SIX5: variants seen among roughly 807,000 people sequenced by gnomAD.
SIX5 encodes homeobox protein SIX5.
Under a neutral mutation model 37.1 loss-of-function variants are expected in SIX5, and 21 were observed. The ratio of observed to expected loss-of-function variants is 0.57; its 90% CI spans 0.40 to 0.81. The LOEUF is 0.81. SIX5 is among the 40% of genes least tolerant of loss of function. The pLI, the probability that SIX5 is intolerant of heterozygous loss-of-function variation, is 0.00. For synonymous variants in SIX5, 626 were observed against 505.9 expected (o/e 1.24, Z -3.19); for missense variants, 1,137 against 1,025.1 (o/e 1.11, Z -1.49).
intron 2 of SIX5, 43 bp from the exon 3 acceptor site, chr19:45,766,154 G>C (rs764493407): frequency 6.3e-7 from 1 of 1,593,520 alleles, no homozygotes; most frequent in Non-Finnish European, 8.5e-7. Context: ...AGCCAGGAGA[G>C]CAGGCCAAGC....
chr19:45,769,212 A>C lies in SIX5; in HGVS notation c.-368T>G, dbSNP rs894291572. ...CTAAGGGCGCGAAGCCTCCGCCCCG[A>C]GACTGAGCTTCTGCACGCCTCCGTC... On this transcript the variant is annotated 5_prime_UTR_variant, in exon 1 of 3. Transcript: ENST00000317578. 4.4e-6 allele frequency: 1 copy of C among 227,492 alleles called. No individual in the cohort carries two copies. The highest frequency in any genetic ancestry group is 5.8e-5 in the Admixed American group (1 of 17,286). 14.1% of individuals were successfully genotyped at this position (227,492 alleles called of 1,614,324 possible).
rs1010041986 is a variant in SIX5, at chr19:45,768,666, C to A, written c.179G>T (p.Gly60Val). The A allele has an allele frequency of 7.8e-6, 10 of 1,288,292 alleles. No individual in the cohort carries two copies. The highest frequency in any genetic ancestry group is 9.7e-6 in the Non-Finnish European group (10 of 1,028,234). The allele number at this position is 1,288,292 out of a possible 1,614,324, so 79.8% of individuals were successfully genotyped here. ...AGAGAGAAAA[G>V]AEGPGSPGVP... The stretch of plus-strand genomic sequence containing the variant: ...GCCCGGGGATCCCGGGCCCTCAGCT[C>A]CCGCAGCCGCTGCGCCCGCCCCGGC... Residue 60 changes from glycine (G) to valine (V), a missense_variant, in exon 1 of 3, where the codon GGA becomes GTA. Physicochemically the swap from Gly to Val is moderately radical, Grantham distance 109. Transcript: ENST00000317578.
chr19:45,766,789 T>A lies in SIX5; in HGVS notation c.1170A>T (p.Thr390=). ...GAGCCTCCTCCAGCCGCACCTCCCC[T>A]GTCTGAGGGTCCAGGACCAGAGAGG... ...TKTSLVLDPQ[T]GEVRLEEAQS... The change falls in exon 2 of 3, where the codon ACA becomes ACT. Residue 390 remains threonine, a synonymous_variant. Coordinates refer to ENST00000317578, the MANE Select transcript of SIX5 (RefSeq NM_175875.5). 1.3e-6 allele frequency: 2 copies of A among 1,575,750 alleles called. No individual in the cohort carries two copies. The highest frequency in any genetic ancestry group is 8.6e-7 in the Non-Finnish European group (1 of 1,163,914).
At chr19:45,767,226 T>TC (rs1450719605) in intron 1 of SIX5, 71 bp from the exon 2 acceptor site, 1 of 1,495,892 alleles carries the variant, frequency 6.7e-7, no homozygotes, top group Non-Finnish European at 9.1e-7. Flanking sequence ...AGCCAGCTGC[T>TC]CCCCCACCTT....
Position 45,765,312 on chromosome 19 carries a change from G to A in SIX5, c.*189C>T. 2.6e-6 allele frequency: 2 copies of A among 776,430 alleles called. No homozygotes were observed. The highest frequency in any genetic ancestry group is 4.4e-6 in the Non-Finnish European group (2 of 451,182). The allele number at this position is 776,430 out of a possible 1,614,324, so 48.1% of individuals were successfully genotyped here. On this transcript the variant is annotated 3_prime_UTR_variant, in exon 3 of 3. Coordinates refer to ENST00000317578, the MANE Select transcript of SIX5 (RefSeq NM_175875.5). ...CAGAGAGGCCTCCCATCCAAAGGGG[G>A]ATGGAGACCTGGACAGGAGGTGGCC...
rs916037774 is a variant in SIX5 at position 45,768,584 on chromosome 19, C to A, written c.261G>T (p.Ser87=). Reference sequence around the variant, plus strand: ...CGCAGACGCACGCCACCTGCTCGGGCGAGAAGCGGAGGCCCGTGGGCGGTT... The same window carrying A: ...CGCAGACGCACGCCACCTGCTCGGGAGAGAAGCGGAGGCCCGTGGGCGGTT... ...ASEPPTGLRF[S]PEQVACVCEA... The change falls in exon 1 of 3, where the codon TCG becomes TCT. Residue 87 remains serine, a synonymous_variant. Coordinates refer to ENST00000317578, the MANE Select transcript of SIX5 (RefSeq NM_175875.5). The A allele has an allele frequency of 3.7e-6, 5 of 1,360,092 alleles. No homozygotes were observed. Among genetic ancestry groups the A allele is most frequent in the Admixed American group, 3.9e-5 (1 of 25,696 alleles). The allele number at this position is 1,360,092 out of a possible 1,614,324, so 84.3% of individuals were successfully genotyped here. A position where few individuals can be genotyped will look rare whatever the true frequency, so the allele number is the denominator to read the frequency against.
At position 45,765,780 on chromosome 19, in the gene SIX5, G is replaced by T; in HGVS notation, c.1941C>A (p.Phe647Leu). ...SPDSPGLLPN[F>L]PAPPPEGLML... ...TCAGCCCCTCTGGTGGGGGCGCCGG[G>T]AAGTTGGGCAGGAGGCCAGGGGAGT... The change falls in exon 3 of 3, where the codon TTC becomes TTA. Residue 647 changes from phenylalanine (F) to leucine (L), a missense_variant. Physicochemically the swap from Phe to Leu is conservative, Grantham distance 22 (BLOSUM62 0). This residue lies in a region of SIX5 where 787 missense variants were observed against 621.4 expected (regional missense o/e 1.27). Coordinates refer to ENST00000317578, the MANE Select transcript of SIX5 (RefSeq NM_175875.5). The T allele has an allele frequency of 6.2e-7, 1 of 1,607,960 alleles. No homozygotes were observed.
In SIX5 at chr19:45,768,108, C is replaced by G. The variant is rs1375730058; in HGVS notation, c.737G>C (p.Ser246Thr). 1.2e-6 allele frequency: 2 copies of G among 1,606,680 alleles called. No individual in the cohort carries two copies. Among genetic ancestry groups the G allele is most frequent in the African/African-American group, 2.7e-5 (2 of 74,892 alleles). ...TLTGLSLTQV[S>T]NWFKNRRQRD... is the part of the protein sequence containing the mutation. ...CTGTCGCCGGTTCTTGAACCAGTTG[C>G]TGACCTGCGTGAGCGACAGGCCGGT... Residue 246 changes from serine to threonine, a missense_variant, in exon 1 of 3, where the codon AGC becomes ACC. Around this residue, in one of 3 missense-constraint regions of SIX5, gnomAD observed 19 missense variants for 42.8 expected, o/e 0.44. Transcript: ENST00000317578.
In SIX5 at chr19:45,766,736, G is replaced by T. The variant is rs759687075; in HGVS notation, c.1223C>A (p.Ala408Asp). Reference protein sequence around the residue: ...AQSEAPETKGAQVAAPGPALG... With the variant: ...AQSEAPETKGDQVAAPGPALG... ...GGCTGGTCCCGGAGCAGCCACCTGG[G>T]CCCCTTTGGTCTCAGGGGCCTCCGA... is the stretch of plus-strand genomic sequence containing the variant. The change falls in exon 2 of 3, where the codon GCC (alanine) becomes GAC (aspartate). Residue 408 changes from alanine to aspartate, a missense_variant. Physicochemically the swap from Ala to Asp is moderately radical, Grantham distance 126. Transcript: ENST00000317578. 9 of 1,574,138 alleles carry T rather than the reference G, an allele frequency of 5.7e-6. No homozygotes were observed. The highest frequency in any genetic ancestry group is 5.4e-5 in the African/African-American group (4 of 73,742).
At position 45,768,735 on chromosome 19, in the gene SIX5, T is replaced by G. The variant is rs930153795; in HGVS notation, c.110A>C (p.Gln37Pro). Residue 37 changes from glutamine to proline, a missense_variant, in exon 1 of 3, where the codon CAG becomes CCG. Gln to Pro is a moderately conservative substitution (Grantham distance 76, BLOSUM62 -1). This residue lies in a region of SIX5 where 331 missense variants were observed against 360.9 expected (regional missense o/e 0.92). Coordinates refer to ENST00000317578, the MANE Select transcript of SIX5 (RefSeq NM_175875.5). ...EEEEEARQLL[Q>P]TLQAAEGEAA... The stretch of plus-strand genomic sequence containing the variant: ...CTCACCCTCGGCCGCCTGCAAAGTC[T>G]GCAAGAGCTGGCGCGCTTCCTCCTC... 4 of 1,507,168 alleles carry G rather than the reference T, an allele frequency of 2.7e-6. No individual in the cohort carries two copies. In the African/African-American group the frequency reaches 5.6e-5, roughly 21 times the overall value. 93.4% of individuals were successfully genotyped at this position (1,507,168 alleles called of 1,614,324 possible). A position where few individuals can be genotyped will look rare whatever the true frequency, so the allele number is the denominator to read the frequency against.
At position 45,766,366 on chromosome 19, in the gene SIX5, A is replaced by T; in HGVS notation, c.1593T>A (p.Pro531=). The T allele has an allele frequency of 6.3e-7, 1 of 1,588,616 alleles. No individual in the cohort carries two copies. The highest frequency in any genetic ancestry group is 2.3e-5 in the East Asian group (1 of 43,458). Residue 531 remains proline (P), a synonymous_variant, in exon 2 of 3, where the codon CCT becomes CCA. Transcript: ENST00000317578. ...TGGGGGTACCTGGGGCAGTGGCCGAAGGCAGCTGCAGGGCAGTCACGCCCA... is the reference window on the plus strand; with the variant it reads ...TGGGGGTACCTGGGGCAGTGGCCGATGGCAGCTGCAGGGCAGTCACGCCCA... ...SGVGVTALQL[P]SATAPGNFLL...
At position 45,765,950 on chromosome 19, in the gene SIX5, T is replaced by A. The variant is rs778339962; in HGVS notation, c.1771A>T (p.Thr591Ser). The change falls in exon 3 of 3, where the codon ACG becomes TCG. Residue 591 changes from threonine (T) to serine (S), a missense_variant. Thr to Ser is a moderately conservative substitution (Grantham distance 58, BLOSUM62 1). Coordinates refer to ENST00000317578, the MANE Select transcript of SIX5 (RefSeq NM_175875.5). ...CCTCCCTCAGGCACGGAGATGGCCG[T>A]CTCTGGCTTCAGTGGCAGGGCCAGG... ...PGLALPLKPETAISVPEGGLP... is the reference protein window; with the variant it reads ...PGLALPLKPESAISVPEGGLP... 4 of 1,597,634 alleles carry A rather than the reference T, an allele frequency of 2.5e-6. No individual in the cohort carries two copies. The East Asian group carries it at 9.0e-5, about 36-fold the overall frequency.
Position 45,768,492 on chromosome 19 carries a change from T to C in SIX5, c.353A>G (p.Glu118Gly). The C allele has an allele frequency of 6.6e-7, 1 of 1,520,870 alleles. No homozygotes were observed. Among genetic ancestry groups the C allele is most frequent in the Non-Finnish European group, 8.8e-7 (1 of 1,140,718 alleles). 94.2% of individuals were successfully genotyped at this position (1,520,870 alleles called of 1,614,324 possible). A position where few individuals can be genotyped will look rare whatever the true frequency, so the allele number is the denominator to read the frequency against. Residue 118 changes from glutamate (E) to glycine (G), a missense_variant, in exon 1 of 3, where the codon GAG becomes GGG. Coordinates refer to ENST00000317578, the MANE Select transcript of SIX5 (RefSeq NM_175875.5). ...SRFLGALPPAERLRGSDPVLR... is the reference protein window; with the variant it reads ...SRFLGALPPAGRLRGSDPVLR... ...CACCGGGTCGCTGCCACGTAGGCGCTCGGCCGGGGGCAGTGCGCCCAGGAA... is the reference window on the plus strand; with the variant it reads ...CACCGGGTCGCTGCCACGTAGGCGCCCGGCCGGGGGCAGTGCGCCCAGGAA...
At position 45,765,624 on chromosome 19, in the gene SIX5, G is replaced by A. The variant is rs140206626; in HGVS notation, c.2097C>T (p.Pro699=). 1.7e-4 allele frequency: 280 copies of A among 1,612,672 alleles called. 1 individual carries two copies. Among genetic ancestry groups the A allele is most frequent in the Admixed American group, 6.2e-4 (37 of 60,004 alleles). ...APHTVLRLPD[P]DPEGLLLGAT... ...CCCCCAGGAGCAGCCCCTCAGGGTC[G>A]GGGTCTGGCAGCCTCAGCACGGTGT... Residue 699 remains proline (P), a synonymous_variant, in exon 3 of 3, where the codon CCC becomes CCT. Coordinates refer to ENST00000317578, the MANE Select transcript of SIX5 (RefSeq NM_175875.5).
rs1157276190 is a variant in SIX5 at position 45,765,767 on chromosome 19, G to A, written c.1954C>T (p.Pro652Ser). Residue 652 changes from proline to serine, a missense_variant, in exon 3 of 3, where the codon CCA becomes TCA. Transcript: ENST00000317578. ...GCGGGTGACAACATCAGCCCCTCTG[G>A]TGGGGGCGCCGGGAAGTTGGGCAGG... ...GLLPNFPAPP[P>S]EGLMLSPAAV... 1.9e-6 allele frequency: 3 copies of A among 1,609,474 alleles called. No individual in the cohort carries two copies. Among genetic ancestry groups the A allele is most frequent in the African/African-American group, 1.3e-5 (1 of 74,936 alleles).
chr19:45,766,242 C>A, intron 2 of SIX5, 108 bp downstream of exon 2: 1 of 1,492,858 alleles, frequency 6.7e-7, no homozygotes, highest in Non-Finnish European at 9.0e-7. Context: ...CTGGGACTTG[C>A]CAGGGATGAG....
At position 45,765,596 on chromosome 19, in the gene SIX5, T is replaced by C. The variant is rs749174953; in HGVS notation, c.2125A>G (p.Thr709Ala). 3 of 1,613,172 alleles carry C rather than the reference T, an allele frequency of 1.9e-6. No homozygotes were observed. The East Asian group carries it at 6.7e-5, about 36-fold the overall frequency. ...CCCTCGTCAACCTCACCCCCTGCGGTGGCCCCCAGGAGCAGCCCCTCAGGG... is the reference window on the plus strand; with the variant it reads ...CCCTCGTCAACCTCACCCCCTGCGGCGGCCCCCAGGAGCAGCCCCTCAGGG... ...PDPEGLLLGA[T>A]AGGEVDEGLE... The change falls in exon 3 of 3, where the codon ACC becomes GCC. Residue 709 changes from threonine (T) to alanine (A), a missense_variant. Physicochemically the swap from Thr to Ala is moderately conservative, Grantham distance 58. This residue lies in a region of SIX5 where 787 missense variants were observed against 621.4 expected (regional missense o/e 1.27). Coordinates refer to ENST00000317578, the MANE Select transcript of SIX5 (RefSeq NM_175875.5).
rs912557319 is a variant in SIX5, at chr19:45,769,073, G to C, written c.-229C>G. On this transcript the variant is annotated 5_prime_UTR_variant, in exon 1 of 3. Transcript: ENST00000317578. ...CCCGTCTGTCTGTGATTCTCCCTTTGTTTTCCCTCCGCCTCTGGCCGCGCT... is the reference window on the plus strand; with the variant it reads ...CCCGTCTGTCTGTGATTCTCCCTTTCTTTTCCCTCCGCCTCTGGCCGCGCT... 14 of 485,662 alleles carry C rather than the reference G, an allele frequency of 2.9e-5. No homozygotes were observed. Among genetic ancestry groups the C allele is most frequent in the East Asian group, 7.0e-5 (2 of 28,442 alleles). 30.1% of individuals were successfully genotyped at this position (485,662 alleles called of 1,614,324 possible). A position where few individuals can be genotyped will look rare whatever the true frequency, so the allele number is the denominator to read the frequency against.
chr19:45,766,061 C>T lies in SIX5; in HGVS notation c.1660G>A (p.Val554Met), dbSNP rs367908563. ...PVSGSPIVTG[V>M]ALQQGKIILT... is the part of the protein sequence containing the mutation. ...ATGATCTTGCCCTGCTGCAGGGCCA[C>T]ACCCGTCACGATGGGGCTGCCAGAC... Residue 554 changes from valine to methionine, a missense_variant, in exon 3 of 3, where the codon GTG becomes ATG. By Grantham distance (21) the Val-to-Met change is conservative (BLOSUM62 1). Coordinates refer to ENST00000317578, the MANE Select transcript of SIX5 (RefSeq NM_175875.5). 8 of 1,611,762 alleles carry T rather than the reference C, an allele frequency of 5.0e-6. No individual in the cohort carries two copies. In the Middle Eastern group the frequency reaches 9.9e-4, roughly 199 times the overall value.
Sources: allele counts gnomAD v4.1 joint callset, GRCh38; gene constraint gnomAD v4.1.1; regional missense constraint gnomAD v4.1.1; transcripts MANE v1.5; gene names NCBI Gene and HGNC (gene_info 2026-07-23, HGNC 2026-07-21).